The following SPECC1 variants were observed in gnomAD, a reference collection of about 807,000 sequenced individuals.
The protein encoded by SPECC1 is sperm antigen with calponin homology and coiled-coil domains 1.
In SPECC1, 62 loss-of-function variants were observed where a neutral mutation model predicts 104.1. The ratio of observed to expected loss-of-function variants is 0.60; its 90% CI spans 0.49 to 0.74. The LOEUF (loss-of-function observed/expected upper bound fraction) is 0.74. Ranked by LOEUF, SPECC1 falls within the 30% of genes least tolerant of loss-of-function variation. The pLI, the probability that SPECC1 is intolerant of heterozygous loss-of-function variation, is 0.00. For synonymous variants in SPECC1, 513 were observed against 501.6 expected (o/e 1.02, Z -0.30); for missense variants, 1,306 against 1,310.5 (o/e 1.00, Z 0.05).
intron 4 of SPECC1, among the ~76,000 whole-genome samples, chr17:20,206,687 C>T (rs945423317): frequency 6.6e-6 from 1 of 152,010 alleles, no homozygotes; most frequent in Non-Finnish European, 1.5e-5. Context: ...TTATATCTAT[C>T]TTACTGTTTA....
chr17:20,041,972 A>G (rs886281472), intron 1 of SPECC1, among the ~76,000 whole-genome samples: 1 of 152,028 alleles, frequency 6.6e-6, no homozygotes, highest in South Asian at 2.1e-4. Flanking sequence ...GGTAGTTCTA[A>G]TATCTGTGCT....
intron 1 of SPECC1, among the ~76,000 whole-genome samples, chr17:20,035,869 C>G (rs2045053148): frequency 1.3e-5 from 2 of 151,800 alleles, no homozygotes; most frequent in East Asian, 3.9e-4. Flanking sequence ...GTCTCGTTCT[C>G]TCACCCAGGC....
chr17:20,080,879 A>G (rs572112091), intron 1 of SPECC1, among the ~76,000 whole-genome samples: 62 of 151,472 alleles, frequency 4.1e-4, no homozygotes, highest in African/African-American at 1.4e-3. Context: ...GGATCAGTGC[A>G]GGGGGGGGTG....
At position 20,205,115 on chromosome 17, in the gene SPECC1, T is replaced by C; in HGVS notation, c.1066T>C (p.Ser356Pro). The stretch of plus-strand genomic sequence containing the variant: ...TAACCCCTTTAAGAGTTCAAAGTGT[T>C]CTACTGCTGGGAGTTCCCCAAACAG... ...TSNPFKSSKC[S>P]TAGSSPNSVS... The change falls in exon 4 of 15, where the codon TCT (serine) becomes CCT (proline). Residue 356 changes from serine to proline, a missense_variant. By Grantham distance (74) the Ser-to-Pro change is moderately conservative (BLOSUM62 -1). Around this residue, in one of 2 missense-constraint regions of SPECC1, gnomAD observed 1,177 missense variants for 1,139.9 expected, o/e 1.03. Coordinates refer to ENST00000395527, the MANE Select transcript of SPECC1 (RefSeq NM_001243439.2). 6.2e-7 allele frequency: 1 copy of C among 1,614,162 alleles called. No homozygotes were observed. The highest frequency in any genetic ancestry group is 8.5e-7 in the Non-Finnish European group (1 of 1,180,030).
intron 12 of SPECC1, among the ~76,000 whole-genome samples, chr17:20,285,674 A>G (rs2040918578): frequency 6.6e-6 from 1 of 152,082 alleles, no homozygotes; most frequent in Non-Finnish European, 1.5e-5. Flanking sequence ...TAAATTCCAA[A>G]TGTTAGTGTT....
intron 3 of SPECC1, among the ~76,000 whole-genome samples, chr17:20,124,908 C>T (rs1330743001): frequency 2.0e-5 from 3 of 152,106 alleles, no homozygotes; most frequent in Admixed American, 1.3e-4. Context: ...AGGCCAGGCG[C>T]GGTGGCTCAT....
At chr17:20,028,982 G>A (rs567717534) in intron 1 of SPECC1, among the ~76,000 whole-genome samples, 39 of 152,154 alleles carry the variant, frequency 2.6e-4, no homozygotes, top group African/African-American at 9.4e-4. Context: ...GGCTGATCTC[G>A]AGCTCCCGAC....
chr17:20,293,889 G>T lies in SPECC1; in HGVS notation c.2941-3072G>T, dbSNP rs550900004. On this transcript the variant is annotated intron_variant, in intron 12 of 14. Coordinates refer to ENST00000395527, the MANE Select transcript of SPECC1 (RefSeq NM_001243439.2). The stretch of plus-strand genomic sequence containing the variant: ...GTGGCCGACAGGACTGAGGATCTAA[G>T]AGGTGGGGATGCACTGGAGTCCCCA... Among the ~76,000 whole-genome samples the T allele has an allele frequency of 3.2e-3, 494 of 152,316 alleles. 3 individuals carry two copies. Among genetic ancestry groups the T allele is most frequent in the African/African-American group, 0.011 (470 of 41,580 alleles).
intron 4 of SPECC1, among the ~76,000 whole-genome samples, chr17:20,220,720 A>G (rs557294127): frequency 6.6e-6 from 1 of 152,228 alleles, no homozygotes; most frequent in African/African-American, 2.4e-5. Flanking sequence ...CTGTGTGTGA[A>G]TAACAGTGGT....
chr17:20,256,941 C>A (rs552945632), intron 10 of SPECC1, among the ~76,000 whole-genome samples: 1 of 152,178 alleles, frequency 6.6e-6, no homozygotes, highest in Non-Finnish European at 1.5e-5. Context: ...CAGAAAGGAG[C>A]CTTGAAAGAG....
At chr17:20,065,716 TC>T in intron 1 of SPECC1, among the ~76,000 whole-genome samples, 1 of 152,322 alleles carries the variant, frequency 6.6e-6, no homozygotes, top group East Asian at 1.9e-4. Flanking sequence ...GCCTGTCTCT[TC>T]AAGACTTTTC....
intron 3 of SPECC1, among the ~76,000 whole-genome samples, chr17:20,114,174 T>TA (rs1280202036): frequency 2.6e-5 from 4 of 152,160 alleles, no homozygotes; most frequent in South Asian, 2.1e-4. Flanking sequence ...TTCTTTTACT[T>TA]ACATTTTTTA....
chr17:20,041,904 C>T (rs1424597938), intron 1 of SPECC1, among the ~76,000 whole-genome samples: 2 of 152,026 alleles, frequency 1.3e-5, no homozygotes, highest in East Asian at 1.9e-4. Context: ...GGGTTACAGG[C>T]GTGAGCCACC....
intron 3 of SPECC1, chr17:20,113,138 A>G (rs1597733745): frequency 3.2e-6 from 2 of 622,650 alleles, no homozygotes; most frequent in Non-Finnish European, 5.8e-6. Flanking sequence ...TCAGTGGTGC[A>G]TAAGGGAAAA....
At chr17:20,035,451 TTTCTTTTATCAGC>T (rs2045031963) in intron 1 of SPECC1, among the ~76,000 whole-genome samples, 1 of 152,114 alleles carries the variant, frequency 6.6e-6, no homozygotes, top group Non-Finnish European at 1.5e-5. Flanking sequence ...TCTTCTTTGA[TTTCTTTTATCAGC>T]GTTTTGTAGT....
intron 1 of SPECC1, among the ~76,000 whole-genome samples, chr17:20,068,612 G>T (rs1339729667): frequency 6.6e-6 from 1 of 152,192 alleles, no homozygotes; most frequent in Non-Finnish European, 1.5e-5. Context: ...GGCAATGTAT[G>T]AGGGTTCCAG....
At chr17:20,011,273 A>T (rs922814437) in intron 1 of SPECC1, among the ~76,000 whole-genome samples, 10 of 152,188 alleles carry the variant, frequency 6.6e-5, no homozygotes, top group African/African-American at 2.4e-4. Context: ...TAGGCAGTTA[A>T]TATCAGTATT....
Position 20,231,770 on chromosome 17 carries a change from A to G in SPECC1, c.2084A>G (p.Lys695Arg). The change falls in exon 6 of 15, where the codon AAG becomes AGG. Residue 695 changes from lysine to arginine, a missense_variant. Lys to Arg is a conservative substitution (Grantham distance 26). Transcript: ENST00000395527. ...TATTTATTTCTAGGTAGTGTGATCA[A>G]GCTGGAGGAACAGAAGTCAGACCTG... Reference protein sequence around the residue: ...LISELESSVIKLEEQKSDLER... With the variant: ...LISELESSVIRLEEQKSDLER... 6.2e-7 allele frequency: 1 copy of G among 1,614,056 alleles called. No homozygotes were observed. The highest frequency in any genetic ancestry group is 8.5e-7 in the Non-Finnish European group (1 of 1,179,992).
At chr17:20,184,360 A>AG (rs2035120967) in intron 3 of SPECC1, among the ~76,000 whole-genome samples, 1 of 152,206 alleles carries the variant, frequency 6.6e-6, no homozygotes, top group African/African-American at 2.4e-5. Context: ...CGAAAGGCTA[A>AG]GCATGTTTGT....
Sources: gnomAD v4.1 joint callset for allele counts (sites outside exome capture counted in the v4.1 genomes callset) on GRCh38, gnomAD v4.1.1 for gene constraint, gnomAD v4.1.1 regional missense constraint, MANE v1.5 for transcripts, NCBI Gene and HGNC (gene_info 2026-07-23, HGNC 2026-07-21) for gene names.